PACSIN2: variants seen among roughly 807,000 people sequenced by gnomAD.
PACSIN2 encodes the protein protein kinase C and casein kinase substrate in neurons 2, also known as protein kinase C and casein kinase substrate in neurons protein 2.
PACSIN2 carries 25 observed loss-of-function variants against 63.8 expected under a neutral mutation model. The ratio of observed to expected loss-of-function variants is 0.39; its 90% CI spans 0.29 to 0.55. The LOEUF (loss-of-function observed/expected upper bound fraction) is 0.55. Ranked by LOEUF, PACSIN2 falls within the 20% of genes least tolerant of loss-of-function variation. PACSIN2 has a pLI of 0.62. For missense variants in PACSIN2, 518 were observed against 646.9 expected, an observed-to-expected ratio of 0.80 and a Z score of 2.16; for synonymous variants, 255 against 256.2, an observed-to-expected ratio of 1.00 and a Z score of 0.05.
At chr22:42,962,720 G>A (rs574292700) in intron 1 of PACSIN2, among the ~76,000 whole-genome samples, 1 of 130,530 alleles carries the variant, frequency 7.7e-6, no homozygotes, top group Admixed American at 9.8e-5. Flanking sequence ...CCTGGGGTGG[G>A]TGGAGGCATT....
chr22:42,928,455 A>G (rs184557613), intron 1 of PACSIN2, among the ~76,000 whole-genome samples: 11 of 152,386 alleles, frequency 7.2e-5, no homozygotes, highest in Non-Finnish European at 8.8e-5. Context: ...ATCAGAGTAC[A>G]GAAATCAGGT....
At chr22:42,964,481 T>C (rs1316321256) in intron 1 of PACSIN2, among the ~76,000 whole-genome samples, 9 of 150,770 alleles carry the variant, frequency 6.0e-5, no homozygotes, top group Admixed American at 4.6e-4. Context: ...GGGTTGTTAA[T>C]AGAATACCAC....
chr22:42,955,424 T>C (rs527709299), intron 1 of PACSIN2, among the ~76,000 whole-genome samples: 1 of 151,710 alleles, frequency 6.6e-6, no homozygotes, highest in Non-Finnish European at 1.5e-5. Flanking sequence ...CTCACTCAGG[T>C]GCCTGCATGT....
intron 1 of PACSIN2, among the ~76,000 whole-genome samples, chr22:42,935,423 T>C (rs730070): frequency 0.026 from 3,903 of 152,252 alleles, 163 homozygotes; most frequent in African/African-American, 0.09. Context: ...GGAGACCTAC[T>C]GTGGACATGG....
chr22:42,995,722 G>A (rs1406004511), intron 1 of PACSIN2, among the ~76,000 whole-genome samples: 1 of 152,148 alleles, frequency 6.6e-6, no homozygotes, highest in South Asian at 2.1e-4. Context: ...AGGCCTTAAA[G>A]CACATTCCAC....
intron 1 of PACSIN2, among the ~76,000 whole-genome samples, chr22:43,010,681 C>T (rs944998310): frequency 3.9e-5 from 6 of 152,092 alleles, no homozygotes; most frequent in Non-Finnish European, 8.8e-5. Context: ...CAGGGCACTT[C>T]CAGCCTGGGC....
chr22:43,000,478 C>T (rs961913556), intron 1 of PACSIN2, among the ~76,000 whole-genome samples: 3 of 152,230 alleles, frequency 2.0e-5, no homozygotes, highest in Non-Finnish European at 4.4e-5. Flanking sequence ...TCTCTCTCTA[C>T]TCACCTCTTT....
At chr22:42,886,415 T>TAG (rs146437649) in intron 5 of PACSIN2, among the ~76,000 whole-genome samples, 8 of 144,868 alleles carry the variant, frequency 5.5e-5, no homozygotes, top group East Asian at 2.0e-4. Flanking sequence ...ATGGTATGTA[T>TAG]GTAGGTAGGT....
intron 1 of PACSIN2, among the ~76,000 whole-genome samples, chr22:42,994,361 G>C (rs184261002): frequency 2.4e-4 from 37 of 152,296 alleles, no homozygotes; most frequent in Admixed American, 2.4e-3. Flanking sequence ...AAATAAGCAT[G>C]AACTTTACCA....
chr22:42,889,259 G>A (rs931133243), intron 4 of PACSIN2, among the ~76,000 whole-genome samples: 5 of 152,012 alleles, frequency 3.3e-5, no homozygotes, highest in African/African-American at 1.2e-4. Flanking sequence ...GACCATGCCA[G>A]GCCGCAGGAT....
intron 6 of PACSIN2, among the ~76,000 whole-genome samples, chr22:42,882,997 A>C (rs1929196683): frequency 6.6e-6 from 1 of 152,228 alleles, no homozygotes; most frequent in South Asian, 2.1e-4. Flanking sequence ...CTGGAGTCCA[A>C]ACCCCAGTGC....
intron 1 of PACSIN2, among the ~76,000 whole-genome samples, chr22:42,949,740 T>C (rs1261872171): frequency 1.3e-5 from 2 of 151,968 alleles, no homozygotes; most frequent in Non-Finnish European, 2.9e-5. Context: ...AGAAAGAACC[T>C]GTCCTTCATA....
intron 1 of PACSIN2, among the ~76,000 whole-genome samples, chr22:42,953,988 C>T (rs1487524233): frequency 6.6e-5 from 10 of 152,090 alleles, no homozygotes; most frequent in South Asian, 2.1e-4. Context: ...AGGCTGGGTG[C>T]GGTGGCTCAT....
intron 3 of PACSIN2, among the ~76,000 whole-genome samples, chr22:42,892,711 C>G (rs1432896082): frequency 6.6e-6 from 1 of 152,248 alleles, no homozygotes; most frequent in Non-Finnish European, 1.5e-5. Flanking sequence ...CGGGAAAGGA[C>G]AGGCAGCTGG....
At chr22:42,922,344 C>T (rs1037911055) in intron 1 of PACSIN2, among the ~76,000 whole-genome samples, 3 of 152,226 alleles carry the variant, frequency 2.0e-5, no homozygotes, top group African/African-American at 7.2e-5. Context: ...ATTTATTCCA[C>T]AACCAGACAA....
chr22:42,940,964 A>G (rs1286925128), intron 1 of PACSIN2, among the ~76,000 whole-genome samples: 1 of 152,210 alleles, frequency 6.6e-6, no homozygotes. Context: ...GTGTTCACAG[A>G]GTTGTGCCAC....
chr22:42,959,244 T>A (rs1050548751), intron 1 of PACSIN2, among the ~76,000 whole-genome samples: 5 of 152,144 alleles, frequency 3.3e-5, no homozygotes, highest in Admixed American at 2.6e-4. Context: ...GCTTTCTCTC[T>A]CAAGTCCCAC....
At chr22:42,936,086 G>A (rs1450108542) in intron 1 of PACSIN2, among the ~76,000 whole-genome samples, 1 of 152,076 alleles carries the variant, frequency 6.6e-6, no homozygotes, top group African/African-American at 2.4e-5. Context: ...CATGGTGGCG[G>A]GTGCCTGTAG....
intron 1 of PACSIN2, among the ~76,000 whole-genome samples, chr22:42,968,966 C>T (rs747593287): frequency 6.6e-6 from 1 of 152,168 alleles, no homozygotes; most frequent in African/African-American, 2.4e-5. Context: ...AGCTTGCAGG[C>T]AGCCTGTCAT....
Sources: allele counts gnomAD v4.1 joint callset (sites outside exome capture counted in the v4.1 genomes callset), GRCh38; gene constraint gnomAD v4.1.1; transcripts MANE v1.5; gene names NCBI Gene and HGNC (gene_info 2026-07-23, HGNC 2026-07-21).